The following TECRL variants were observed in gnomAD, a reference collection of about 807,000 sequenced individuals.
The protein encoded by TECRL is trans-2,3-enoyl-CoA reductase-like.
In TECRL, 63 loss-of-function variants were observed where a neutral mutation model predicts 52.8. The observed-to-expected ratio is 1.19, with a 90% CI of 0.97 to 1.47. The LOEUF is 1.47. Ranked by LOEUF, TECRL falls within the 40% of genes most tolerant of loss-of-function variation. The pLI is 0.00. For missense variants in TECRL, 482 were observed against 429.6 expected (o/e 1.12, Z -1.08); for synonymous variants, 164 against 141.9 (o/e 1.16, Z -1.10).
intron 8 of TECRL, among the ~76,000 whole-genome samples, chr4:64,297,193 G>A (rs960602256): frequency 1.8e-4 from 27 of 151,196 alleles, no homozygotes; most frequent in African/African-American, 6.5e-4. Flanking sequence ...AAAACAAGAG[G>A]GAGATGAAAA....
chr4:64,314,327 C>T (rs563848441), intron 5 of TECRL, among the ~76,000 whole-genome samples: 1 of 151,922 alleles, frequency 6.6e-6, no homozygotes, highest in Non-Finnish European at 1.5e-5. Flanking sequence ...CATGGTCTTT[C>T]AATTTTGTAA....
chr4:64,306,366 G>C (rs1227777579), intron 6 of TECRL, among the ~76,000 whole-genome samples: 1 of 152,118 alleles, frequency 6.6e-6, no homozygotes, highest in Admixed American at 6.6e-5. Flanking sequence ...GAAGGTATCT[G>C]GCTGAGGCTA....
chr4:64,398,914 T>A (rs1255071758), intron 1 of TECRL, among the ~76,000 whole-genome samples: 2 of 152,134 alleles, frequency 1.3e-5, no homozygotes, highest in Non-Finnish European at 1.5e-5. Context: ...TACTGGGAAC[T>A]GGATAAAAGG....
At chr4:64,376,437 A>C (rs1394275240) in intron 1 of TECRL, among the ~76,000 whole-genome samples, 1 of 151,962 alleles carries the variant, frequency 6.6e-6, no homozygotes, top group Non-Finnish European at 1.5e-5. Context: ...ATGTTAGAAA[A>C]AAATTTAAAA....
downstream of TECRL, among the ~76,000 whole-genome samples, chr4:64,277,529 G>T (rs1722614929): frequency 2.0e-5 from 3 of 151,602 alleles, no homozygotes; most frequent in South Asian, 6.2e-4. Context: ...GAATTATAAG[G>T]CTTTTAAAGG....
At chr4:64,326,138 A>G in intron 3 of TECRL, among the ~76,000 whole-genome samples, 1 of 152,116 alleles carries the variant, frequency 6.6e-6, no homozygotes, top group Non-Finnish European at 1.5e-5. Context: ...GAACTGGGGT[A>G]CACAACAAAC....
chr4:64,375,568 C>T (rs1722341752), intron 1 of TECRL, among the ~76,000 whole-genome samples: 1 of 151,680 alleles, frequency 6.6e-6, no homozygotes, highest in Admixed American at 6.6e-5. Context: ...TCTTAATGCA[C>T]AGGAATGTAA....
At chr4:64,294,232 C>T (rs1332139276) in intron 8 of TECRL, among the ~76,000 whole-genome samples, 4 of 152,034 alleles carry the variant, frequency 2.6e-5, no homozygotes, top group South Asian at 2.1e-4. Flanking sequence ...AGTGAACCAC[C>T]TGCCTCAGCC....
rs1721741295 is a variant in TECRL, at chr4:64,368,267, T to A, written c.286+6905A>T. On this transcript the variant is annotated intron_variant, in intron 2 of 11. Transcript: ENST00000381210. Reference sequence around the variant, plus strand: ...CTAAAATGTTGACAAGGCTCATAACTGTTTGTTTGTTTGTTTTCTTTTTTT... The same window carrying A: ...CTAAAATGTTGACAAGGCTCATAACAGTTTGTTTGTTTGTTTTCTTTTTTT... Among the ~76,000 whole-genome samples, 3 of 100,392 alleles carry A rather than the reference T, an allele frequency of 3.0e-5. No homozygotes were observed. The South Asian group carries it at 1.4e-3, about 45-fold the overall frequency. 65.9% of individuals were successfully genotyped at this position (100,392 alleles called of 152,430 possible). A position where few individuals can be genotyped will look rare whatever the true frequency, so the allele number is the denominator to read the frequency against.
intron 2 of TECRL, among the ~76,000 whole-genome samples, chr4:64,364,231 A>G (rs963553188): frequency 2.0e-5 from 3 of 152,080 alleles, no homozygotes; most frequent in African/African-American, 7.2e-5. Context: ...CAAAGATACA[A>G]CATACCAGAA....
chr4:64,277,127 C>T, downstream of TECRL: 1 of 1,008,310 alleles, frequency 9.9e-7, no homozygotes, highest in Admixed American at 2.1e-5. Flanking sequence ...GGTATGTCTG[C>T]CAACAGTAAG....
At chr4:64,396,539 T>C (rs958143693) in intron 1 of TECRL, among the ~76,000 whole-genome samples, 1 of 152,176 alleles carries the variant, frequency 6.6e-6, no homozygotes, top group African/African-American at 2.4e-5. Flanking sequence ...AAGTTCCTTA[T>C]AGATCTTGGA....
chr4:64,390,419 T>C (rs908825861), intron 1 of TECRL, among the ~76,000 whole-genome samples: 1 of 151,854 alleles, frequency 6.6e-6, no homozygotes, highest in Non-Finnish European at 1.5e-5. Flanking sequence ...GTTACAAGTT[T>C]AGCATATAAG....
intron 2 of TECRL, among the ~76,000 whole-genome samples, chr4:64,333,189 A>G (rs1718770564): frequency 6.6e-6 from 1 of 152,102 alleles, no homozygotes; most frequent in South Asian, 2.1e-4. Context: ...AGATTAAAAA[A>G]CAAAAAATGT....
chr4:64,359,654 A>G (rs1309085697), intron 2 of TECRL, among the ~76,000 whole-genome samples: 2 of 152,170 alleles, frequency 1.3e-5, no homozygotes, highest in Non-Finnish European at 2.9e-5. Flanking sequence ...TCATAGAATC[A>G]CATTTCATGC....
At chr4:64,392,004 GTT>G (rs1209251804) in intron 1 of TECRL, among the ~76,000 whole-genome samples, 1 of 151,788 alleles carries the variant, frequency 6.6e-6, no homozygotes, top group Non-Finnish European at 1.5e-5. Flanking sequence ...AAACCCAGTG[GTT>G]TAAAACAGTC....
At chr4:64,318,603 A>G (rs1717673491) in intron 4 of TECRL, among the ~76,000 whole-genome samples, 1 of 152,094 alleles carries the variant, frequency 6.6e-6, no homozygotes, top group Non-Finnish European at 1.5e-5. Context: ...AAGACACATT[A>G]CTTTCAAAGG....
At chr4:64,382,045 C>G (rs1476505257) in intron 1 of TECRL, among the ~76,000 whole-genome samples, 2 of 151,500 alleles carry the variant, frequency 1.3e-5, no homozygotes, top group East Asian at 3.9e-4. Flanking sequence ...ATGGAATTCA[C>G]CAGTATAGCA....
At chr4:64,311,239 G>C (rs760828220) in intron 5 of TECRL, among the ~76,000 whole-genome samples, 1 of 152,062 alleles carries the variant, frequency 6.6e-6, no homozygotes, top group African/African-American at 2.4e-5. Context: ...TCATTAATTC[G>C]TAAAAACAAA....
Sources: gnomAD v4.1 joint callset for allele counts (sites outside exome capture counted in the v4.1 genomes callset) on GRCh38, gnomAD v4.1.1 for gene constraint, MANE v1.5 for transcripts, NCBI Gene and HGNC (gene_info 2026-07-23, HGNC 2026-07-21) for gene names.